CUX1: variants seen among roughly 807,000 people sequenced by gnomAD.
CUX1 encodes the protein cut like homeobox 1, also known as protein CASP.
CUX1 carries 31 observed loss-of-function variants against 158.8 expected under a neutral mutation model. That is an observed-to-expected ratio of 0.20 (90% CI 0.15 to 0.26). CUX1 has a LOEUF of 0.26. Ranked by LOEUF, CUX1 falls within the 10% of genes least tolerant of loss-of-function variation. The pLI is 1.00. For missense variants in CUX1, 1,589 were observed against 2,014.6 expected, an observed-to-expected ratio of 0.79 and a Z score of 4.04; for synonymous variants, 879 against 862.1, an observed-to-expected ratio of 1.02 and a Z score of -0.34.
chr7:102,031,789 G>A (rs1183727143), intron 3 of CUX1, among the ~76,000 whole-genome samples: 3 of 152,100 alleles, frequency 2.0e-5, no homozygotes, highest in Non-Finnish European at 2.9e-5. Context: ...TGTGTGGCAG[G>A]AGCAGCTAAG....
intron 2 of CUX1, among the ~76,000 whole-genome samples, chr7:102,013,129 A>G (rs1292113223): frequency 2.0e-5 from 3 of 151,988 alleles, no homozygotes; most frequent in Non-Finnish European, 2.9e-5. Flanking sequence ...TCATACCAAA[A>G]AAAAAAAAAA....
intron 1 of CUX1, among the ~76,000 whole-genome samples, chr7:101,827,588 G>C (rs1793488298): frequency 6.6e-6 from 1 of 152,076 alleles, no homozygotes; most frequent in Non-Finnish European, 1.5e-5. Flanking sequence ...TGAGATTATA[G>C]GCATGAGCCA....
chr7:102,280,726 C>T (rs1554549022), intron 19 of CUX1: 2 of 1,449,232 alleles, frequency 1.4e-6, no homozygotes, highest in Non-Finnish European at 9.5e-7. Flanking sequence ...CTGTGGCTGG[C>T]CAGGCCCTGC....
intron 4 of CUX1, among the ~76,000 whole-genome samples, chr7:102,078,079 T>G (rs1826973179): frequency 1.3e-5 from 2 of 151,512 alleles, no homozygotes. Context: ...TTTTTGGGGG[T>G]TTTTGTTTGT....
At chr7:101,956,418 A>T (rs1408770028) in intron 2 of CUX1, among the ~76,000 whole-genome samples, 1 of 152,128 alleles carries the variant, frequency 6.6e-6, no homozygotes, top group Admixed American at 6.6e-5. Context: ...TTGTAATCTG[A>T]CTCATAAAAG....
chr7:101,860,987 G>C (rs1683902570), intron 1 of CUX1, among the ~76,000 whole-genome samples: 1 of 152,060 alleles, frequency 6.6e-6, no homozygotes, highest in African/African-American at 2.4e-5. Context: ...TAAATTTTTT[G>C]TAGAGACAGG....
At chr7:102,188,475 T>A (rs146118729) in intron 11 of CUX1, 1 of 152,156 alleles carries the variant, frequency 6.6e-6, no homozygotes, top group South Asian at 2.1e-4. Context: ...CAGCAATGGC[T>A]CCTCTCACAA....
chr7:101,928,209 A>C (rs1372411603), intron 2 of CUX1, among the ~76,000 whole-genome samples: 2 of 152,144 alleles, frequency 1.3e-5, no homozygotes, highest in African/African-American at 4.8e-5. Flanking sequence ...AAAAATAGGA[A>C]TGATAACGAC....
intron 4 of CUX1, among the ~76,000 whole-genome samples, chr7:102,078,857 C>G (rs1382825512): frequency 6.6e-6 from 1 of 152,162 alleles, no homozygotes; most frequent in African/African-American, 2.4e-5. Flanking sequence ...AGGTCCTCCC[C>G]CTGGGAGAGG....
chr7:102,257,639 A>G lies in CUX1; in HGVS notation c.*8597A>G, dbSNP rs1015940239. 3 of 985,284 alleles carry G rather than the reference A, an allele frequency of 3.0e-6. No homozygotes were observed. The highest frequency in any genetic ancestry group is 1.7e-5 in the African/African-American group (1 of 57,214). 61.0% of individuals were successfully genotyped at this position (985,284 alleles called of 1,614,324 possible). A position where few individuals can be genotyped will look rare whatever the true frequency, so the allele number is the denominator to read the frequency against. The stretch of plus-strand genomic sequence containing the variant: ...GTAGCACCACGCTCCTGTCCAGACT[A>G]CTAACAGCACAAGACGCACTCACAG... On this transcript the variant is annotated 3_prime_UTR_variant, in exon 24 of 24. Transcript: ENST00000292535.
At chr7:102,071,326 G>A (rs1334534686) in intron 4 of CUX1, among the ~76,000 whole-genome samples, 1 of 152,168 alleles carries the variant, frequency 6.6e-6, no homozygotes, top group African/African-American at 2.4e-5. Context: ...ATTCTAAGAG[G>A]TGATGGCTTC....
rs1167505520 is a variant in CUX1, at chr7:102,090,642, C to T, written c.269-6722C>T. On this transcript the variant is annotated intron_variant, in intron 4 of 23. Transcript: ENST00000292535. ...TGACCTCATGATCCACCACCTCAGC[C>T]TCCCAAAGTGCTGGGATTACAGGCG... Among the ~76,000 whole-genome samples the T allele has an allele frequency of 4.6e-5, 7 of 151,786 alleles. No individual in the cohort carries two copies. In the East Asian group the frequency reaches 1.3e-3, roughly 29 times the overall value.
chr7:101,837,254 G>T (rs982290812), intron 1 of CUX1, among the ~76,000 whole-genome samples: 3 of 152,118 alleles, frequency 2.0e-5, no homozygotes, highest in Non-Finnish European at 4.4e-5. Flanking sequence ...CCCTCAATAC[G>T]TTAGATCCCA....
intron 1 of CUX1, among the ~76,000 whole-genome samples, chr7:101,861,490 A>G (rs1797452357): frequency 6.6e-6 from 1 of 152,182 alleles, no homozygotes; most frequent in Non-Finnish European, 1.5e-5. Context: ...CCTGCCCGGC[A>G]TGCACTGCAG....
chr7:102,150,633 C>A (rs1554503316), intron 8 of CUX1, among the ~76,000 whole-genome samples: 7 of 152,354 alleles, frequency 4.6e-5, no homozygotes, highest in Non-Finnish European at 2.9e-5. Context: ...GCCCCGATGC[C>A]ACGCGTTAGC....
chr7:102,202,156 G>A lies in CUX1; in HGVS notation c.2859G>A (p.Lys953=). The A allele has an allele frequency of 6.2e-7, 1 of 1,612,864 alleles. No homozygotes were observed. Among genetic ancestry groups the A allele is most frequent in the African/African-American group, 1.3e-5 (1 of 75,028 alleles). Reference sequence around the variant, plus strand: ...CCATCGAGCTCACCCGGCAGGTTAAGGAAAAGCTGGCCAAGAACGGCATCT... The same window carrying A: ...CCATCGAGCTCACCCGGCAGGTTAAAGAAAAGCTGGCCAAGAACGGCATCT... ...VDTIELTRQV[K]EKLAKNGICQ... is the part of the protein sequence containing the mutation. Residue 953 remains lysine (K), a synonymous_variant, in exon 18 of 24, where the codon AAG becomes AAA. Coordinates refer to ENST00000292535, the MANE Select transcript of CUX1 (RefSeq NM_181552.4).
At chr7:102,143,663 A>AT (rs1480785997) in intron 8 of CUX1, among the ~76,000 whole-genome samples, 1 of 152,070 alleles carries the variant, frequency 6.6e-6, no homozygotes, top group Non-Finnish European at 1.5e-5. Context: ...CTTTGTATAC[A>AT]TTTTTTTCCC....
intron 21 of CUX1, among the ~76,000 whole-genome samples, chr7:102,282,194 T>C (rs1353022893): frequency 3.3e-5 from 5 of 152,028 alleles, no homozygotes; most frequent in African/African-American, 7.2e-5. Flanking sequence ...ACGGGCTTCA[T>C]AGGAAGAAGG....
At chr7:102,141,984 G>T (rs1834518969) in intron 8 of CUX1, among the ~76,000 whole-genome samples, 1 of 151,908 alleles carries the variant, frequency 6.6e-6, no homozygotes, top group Admixed American at 6.6e-5. Context: ...ACTTAGGGGA[G>T]AAAGTCATTA....
Sources: gnomAD v4.1 joint callset for allele counts (sites outside exome capture counted in the v4.1 genomes callset) on GRCh38, gnomAD v4.1.1 for gene constraint, MANE v1.5 for transcripts, NCBI Gene and HGNC (gene_info 2026-07-23, HGNC 2026-07-21) for gene names.